The following MOBP variants were observed in gnomAD, a reference collection of about 807,000 sequenced individuals.
The protein encoded by MOBP is myelin-associated oligodendrocyte basic protein.
MOBP carries 5 observed loss-of-function variants against 15.0 expected under a neutral mutation model. The observed-to-expected ratio is 0.33, with a 90% CI of 0.17 to 0.70. MOBP has a LOEUF of 0.70. MOBP is among the 30% of genes least tolerant of loss of function. The pLI, the probability that MOBP is intolerant of heterozygous loss-of-function variation, is 0.67. For missense variants in MOBP, 188 were observed against 257.8 expected, an observed-to-expected ratio of 0.73 and a Z score of 1.85; for synonymous variants, 88 against 99.0, an observed-to-expected ratio of 0.89 and a Z score of 0.66.
intron 2 of MOBP, among the ~76,000 whole-genome samples, chr3:39,501,500 C>G (rs758423381): frequency 2.0e-5 from 3 of 152,154 alleles, no homozygotes; most frequent in Non-Finnish European, 1.5e-5. Flanking sequence ...CTAGCACCAT[C>G]GATTAGTTTT....
chr3:39,502,643 T>C lies in MOBP; in HGVS notation c.315T>C (p.Arg105=), dbSNP rs570110085. 6.5e-7 allele frequency: 1 copy of C among 1,536,022 alleles called. No homozygotes were observed. Among genetic ancestry groups the C allele is most frequent in the East Asian group, 2.4e-5 (1 of 40,936 alleles). Reference sequence around the variant, plus strand: ...CACGGTCCCCTCCGAGGTCTGAGCGTCAGCCACGGTCCCCTCCGAGGTCTG... The same window carrying C: ...CACGGTCCCCTCCGAGGTCTGAGCGCCAGCCACGGTCCCCTCCGAGGTCTG... ...AKPRSPPRSE[R]QPRSPPRSER... The change falls in exon 4 of 4, where the codon CGT becomes CGC. Residue 105 remains arginine (R), a synonymous_variant. Transcript: ENST00000684792. The surrounding 1 kb of genome is among the most constrained non-coding windows in gnomAD (Gnocchi z 6.3).
At position 39,487,648 on chromosome 3, in the gene MOBP, C is replaced by T. The variant is rs536551215; in HGVS notation, c.-5+7525C>T. 4.5e-4 allele frequency among the ~76,000 whole-genome samples: 69 copies of T among 151,654 alleles called. No homozygotes were observed. The South Asian group carries it at 6.5e-3, about 14-fold the overall frequency. ...ACGCCATTCTTCTGCCTCAGCCTCC[C>T]GAGTAGCTGGAACTACAGGTGCCAG... On this transcript the variant is annotated intron_variant, in intron 2 of 3. Transcript: ENST00000684792.
chr3:39,500,796 T>C (rs762338381), intron 2 of MOBP, among the ~76,000 whole-genome samples: 1 of 152,188 alleles, frequency 6.6e-6, no homozygotes, highest in Non-Finnish European at 1.5e-5. Flanking sequence ...ATCATGAGTA[T>C]GTTAAAAGCT....
At chr3:39,507,482 T>G (rs2125662645), downstream of MOBP, among the ~76,000 whole-genome samples, 1 of 152,250 alleles carries the variant, frequency 6.6e-6, no homozygotes, top group Middle Eastern at 3.4e-3. Context: ...GATTGGCCTT[T>G]GATGGGAACA....
intron 4 of MOBP, among the ~76,000 whole-genome samples, chr3:39,508,433 C>T (rs1042958233): frequency 5.9e-5 from 9 of 152,164 alleles, no homozygotes; most frequent in African/African-American, 2.2e-4. Context: ...ACTGACCTAT[C>T]TTCTGTCCCT....
At chr3:39,515,258 G>T (rs540784290) in exon 5 of MOBP, 5 of 152,392 alleles carry the variant, frequency 3.3e-5, no homozygotes, top group African/African-American at 1.2e-4. Context: ...CAGAGTTGGG[G>T]TGGTGGGAGA....
intron 1 of MOBP, among the ~76,000 whole-genome samples, chr3:39,469,618 G>A (rs1035222271): frequency 6.6e-6 from 1 of 152,036 alleles, no homozygotes; most frequent in Non-Finnish European, 1.5e-5. Context: ...GTTTTGGAGA[G>A]TATAAGCCAG....
chr3:39,529,094 A>G (rs925427522), downstream of MOBP: 2 of 152,250 alleles, frequency 1.3e-5, no homozygotes, highest in Non-Finnish European at 2.9e-5. Flanking sequence ...AAAATCTTAC[A>G]GATGTCAGAA....
intron 2 of MOBP, among the ~76,000 whole-genome samples, chr3:39,489,669 G>T (rs888613203): frequency 7.0e-6 from 1 of 142,170 alleles, no homozygotes; most frequent in African/African-American, 3.0e-5. Flanking sequence ...ACTCAAGGCA[G>T]GAGCTGGGTG....
At chr3:39,521,077 G>A (rs2043260753) in intron 3 of MOBP, among the ~76,000 whole-genome samples, 1 of 151,854 alleles carries the variant, frequency 6.6e-6, no homozygotes, top group Admixed American at 6.6e-5. Context: ...AGCTCCCGAG[G>A]AGCTGGGATT....
intron 3 of MOBP, among the ~76,000 whole-genome samples, chr3:39,522,016 C>T (rs1274727054): frequency 6.6e-6 from 1 of 152,176 alleles, no homozygotes; most frequent in Non-Finnish European, 1.5e-5. Context: ...CAGGCTAGCT[C>T]TCACATTCTC....
At chr3:39,504,302 C>T (rs1264050612), downstream of MOBP, among the ~76,000 whole-genome samples, 1 of 152,192 alleles carries the variant, frequency 6.6e-6, no homozygotes, top group East Asian at 1.9e-4. Context: ...ATGTATGAAA[C>T]AGAGGAAATT....
chr3:39,484,840 A>G (rs1224041785), intron 2 of MOBP, among the ~76,000 whole-genome samples: 1 of 152,246 alleles, frequency 6.6e-6, no homozygotes. Flanking sequence ...TTTGTTCATC[A>G]GAAAGGACTT....
At chr3:39,488,757 A>G (rs372420549) in intron 2 of MOBP, among the ~76,000 whole-genome samples, 20 of 152,212 alleles carry the variant, frequency 1.3e-4, no homozygotes, top group East Asian at 7.7e-4. Flanking sequence ...ATTCTTTACA[A>G]CAAATCGCAC....
At chr3:39,501,476 C>T (rs2042968790) in intron 2 of MOBP, among the ~76,000 whole-genome samples, 1 of 152,194 alleles carries the variant, frequency 6.6e-6, no homozygotes, top group Non-Finnish European at 1.5e-5. Context: ...CCAAATATAA[C>T]TATGCTCTGA....
At chr3:39,471,448 C>T (rs942286555) in intron 1 of MOBP, among the ~76,000 whole-genome samples, 2 of 152,152 alleles carry the variant, frequency 1.3e-5, no homozygotes, top group Non-Finnish European at 2.9e-5. Context: ...TCTTATACCT[C>T]ATCTTTCTGA....
intron 2 of MOBP, among the ~76,000 whole-genome samples, chr3:39,500,268 G>A (rs577448515): frequency 6.6e-6 from 1 of 152,354 alleles, no homozygotes; most frequent in South Asian, 2.1e-4. Context: ...TTTGTGTCCA[G>A]TATGTGAACT....
intron 4 of MOBP, among the ~76,000 whole-genome samples, chr3:39,511,350 CT>C (rs2043116568): frequency 1.3e-5 from 2 of 152,202 alleles, no homozygotes. Context: ...TCTGTTTCCT[CT>C]ATTCAGCTAT....
At chr3:39,469,366 T>C (rs1427870358) in intron 1 of MOBP, among the ~76,000 whole-genome samples, 2 of 90,828 alleles carry the variant, frequency 2.2e-5, no homozygotes, top group Admixed American at 9.4e-5. Context: ...TTAACTAAAA[T>C]TTATTTTAAT....
Sources: allele counts gnomAD v4.1 joint callset (sites outside exome capture counted in the v4.1 genomes callset), GRCh38; gene constraint gnomAD v4.1.1; non-coding constraint Gnocchi (gnomAD v3.1); transcripts MANE v1.5; gene names NCBI Gene and HGNC (gene_info 2026-07-23, HGNC 2026-07-21).